The following SENP2 variants were observed in gnomAD, a reference collection of about 807,000 sequenced individuals.
SENP2 encodes the protein SUMO specific peptidase 2.
In SENP2, 16 loss-of-function variants were observed where a neutral mutation model predicts 86.3. The ratio of observed to expected loss-of-function variants is 0.19; its 90% CI spans 0.13 to 0.28. SENP2 has a LOEUF of 0.28. SENP2 is among the 10% of genes least tolerant of loss of function. The pLI is 1.00. For synonymous variants in SENP2, 222 were observed against 238.7 expected, an observed-to-expected ratio of 0.93 and a Z score of 0.64; for missense variants, 552 against 703.0, an observed-to-expected ratio of 0.79 and a Z score of 2.43.
chr3:185,626,434 C>A, intron 16 of SENP2, 41 bp downstream of exon 16: 2 of 1,376,496 alleles, frequency 1.5e-6, no homozygotes, highest in East Asian at 2.3e-5. Context: ...TGTTACTAAG[C>A]AAGATAAGGC....
chr3:185,627,238 T>C lies in SENP2; in HGVS notation c.1707+845T>C, dbSNP rs532113291. Among the ~76,000 whole-genome samples the C allele has an allele frequency of 3.0e-4, 46 of 152,250 alleles. No individual in the cohort carries two copies. In the South Asian group the frequency reaches 9.3e-3, roughly 31 times the overall value. ...TGACACAATGGGCACAATTTGCAAATCTCTGAACTGTGGCATTCATTGGTT... is the reference window on the plus strand; with the variant it reads ...TGACACAATGGGCACAATTTGCAAACCTCTGAACTGTGGCATTCATTGGTT... On this transcript the variant is annotated intron_variant, in intron 16 of 16. Coordinates refer to ENST00000296257, the MANE Select transcript of SENP2 (RefSeq NM_021627.3).
At position 185,626,277 on chromosome 3, in the gene SENP2, CTTT is replaced by C. The variant is rs922779249; in HGVS notation, c.1612-17_1612-15del. 6 of 1,532,824 alleles carry C rather than the reference CTTT, an allele frequency of 3.9e-6. No individual in the cohort carries two copies. The African/African-American group carries it at 4.1e-5, about 10-fold the overall frequency. The allele number at this position is 1,532,824 out of a possible 1,614,324, so 95.0% of individuals were successfully genotyped here. A position where few individuals can be genotyped will look rare whatever the true frequency, so the allele number is the denominator to read the frequency against. Reference sequence around the variant, plus strand: ...ATGATGTTTTACCCTTTCCTCTCTTCTTTTTTCTTTGTAATTTTAGGAGATTCC... The same window carrying C: ...ATGATGTTTTACCCTTTCCTCTCTTCTTTCTTTGTAATTTTAGGAGATTCC... On this transcript the variant is annotated intron_variant, in intron 15 of 16. Transcript: ENST00000296257.
At chr3:185,600,277 C>A (rs1722302681) in intron 4 of SENP2, among the ~76,000 whole-genome samples, 1 of 152,038 alleles carries the variant, frequency 6.6e-6, no homozygotes, top group African/African-American at 2.4e-5. Context: ...TTTGTGTAGT[C>A]TAGTCAGAGA....
chr3:185,611,879 G>A lies in SENP2; in HGVS notation c.817+134G>A, dbSNP rs1044156961. 6.4e-5 allele frequency: 43 copies of A among 672,712 alleles called. 1 individual carries two copies. Among genetic ancestry groups the A allele is most frequent in the African/African-American group, 4.5e-4 (25 of 55,390 alleles). The allele number at this position is 672,712 out of a possible 1,614,324, so 41.7% of individuals were successfully genotyped here. A position where few individuals can be genotyped will look rare whatever the true frequency, so the allele number is the denominator to read the frequency against. On this transcript the variant is annotated intron_variant, in intron 8 of 16. Transcript: ENST00000296257. ...CTGTCAAATCTCACAGCATTGGGCC[G>A]GGCGCGGTGGCTTACGCCTGCAATC...
At chr3:185,587,312 T>C (rs1187761565) in intron 1 of SENP2, among the ~76,000 whole-genome samples, 1 of 151,910 alleles carries the variant, frequency 6.6e-6, no homozygotes, top group Non-Finnish European at 1.5e-5. Context: ...TTTGTGTTTT[T>C]AGTAGAGATG....
At chr3:185,605,486 A>AT (rs935824009) in intron 5 of SENP2, among the ~76,000 whole-genome samples, 71 of 152,250 alleles carry the variant, frequency 4.7e-4, no homozygotes, top group African/African-American at 1.6e-3. Context: ...TTTTTCTCTT[A>AT]TAGCTTTTTC....
chr3:185,608,898 C>T (rs76614936), intron 6 of SENP2: 4,291 of 166,304 alleles, frequency 0.026, 217 homozygotes, highest in African/African-American at 0.097. Flanking sequence ...TGTATATTCT[C>T]GTTATGCAAG....
At position 185,632,247 on chromosome 3, in the gene SENP2, T is replaced by TG. The variant is rs1477375185; in HGVS notation, c.*2403_*2404insG. 6 of 140,872 alleles carry TG rather than the reference T, an allele frequency of 4.3e-5. No homozygotes were observed. Among genetic ancestry groups the TG allele is most frequent in the Non-Finnish European group, 9.3e-5 (6 of 64,498 alleles). 8.7% of individuals were successfully genotyped at this position (140,872 alleles called of 1,614,324 possible). A position where few individuals can be genotyped will look rare whatever the true frequency, so the allele number is the denominator to read the frequency against. ...TTGTTTTTTTTTTTTGTTTTTTTTT[T>TG]TTTTTTTTGCGACAGAGTCTCTTGT... On this transcript the variant is annotated 3_prime_UTR_variant, in exon 17 of 17. Transcript: ENST00000296257.
chr3:185,589,615 G>A (rs1721911202), intron 1 of SENP2, among the ~76,000 whole-genome samples: 1 of 152,136 alleles, frequency 6.6e-6, no homozygotes, highest in Admixed American at 6.6e-5. Flanking sequence ...GTAAGTCTTC[G>A]CATGTGAAAA....
At chr3:185,629,684 A>G in intron 16 of SENP2, 98 bp from the exon 17 acceptor site, 1 of 1,167,562 alleles carries the variant, frequency 8.6e-7, no homozygotes, top group Non-Finnish European at 1.3e-6. Flanking sequence ...TAGAAAAAGC[A>G]CATGGACATC....
intron 11 of SENP2, among the ~76,000 whole-genome samples, chr3:185,616,141 G>A (rs561858770): frequency 1.9e-4 from 28 of 148,240 alleles, no homozygotes; most frequent in Non-Finnish European, 3.6e-4. Context: ...GATTACAGGC[G>A]TGAGCCACCA....
chr3:185,625,357 C>A (rs189717002), intron 15 of SENP2, among the ~76,000 whole-genome samples: 68 of 152,242 alleles, frequency 4.5e-4, no homozygotes, highest in African/African-American at 1.6e-3. Flanking sequence ...GTGATCCGCC[C>A]GCCTCTGCCT....
rs79523219 is a variant in SENP2, at chr3:185,602,785, A to T, written c.449+1930A>T. 2.0e-3 allele frequency among the ~76,000 whole-genome samples: 270 copies of T among 137,344 alleles called. 3 individuals carry two copies. The East Asian group carries it at 0.025, about 13-fold the overall frequency. 90.1% of individuals were successfully genotyped at this position (137,344 alleles called of 152,430 possible). A position where few individuals can be genotyped will look rare whatever the true frequency, so the allele number is the denominator to read the frequency against. On this transcript the variant is annotated intron_variant, in intron 5 of 16. Coordinates refer to ENST00000296257, the MANE Select transcript of SENP2 (RefSeq NM_021627.3). The stretch of plus-strand genomic sequence containing the variant: ...GAAGCAGAGGGTGCAGTGAGCTAAG[A>T]TTACACCACTGCACTCCAGCCTGGG...
intron 5 of SENP2, 52 bp downstream of exon 5, chr3:185,600,907 C>A: frequency 1.6e-6 from 2 of 1,250,504 alleles, no homozygotes; most frequent in Non-Finnish European, 2.3e-6. Flanking sequence ...ATTAGGTGCT[C>A]ACTCTTGCTA....
chr3:185,625,690 GT>G (rs1391988189), intron 15 of SENP2, among the ~76,000 whole-genome samples: 1 of 152,150 alleles, frequency 6.6e-6, no homozygotes, highest in African/African-American at 2.4e-5. Flanking sequence ...ATCCTAATTG[GT>G]TAAAGCCTAT....
chr3:185,626,371 A>T lies in SENP2; in HGVS notation c.1685A>T (p.Asp562Val), dbSNP rs1245752069. 1.9e-6 allele frequency: 3 copies of T among 1,609,722 alleles called. No individual in the cohort carries two copies. Among genetic ancestry groups the T allele is most frequent in the Non-Finnish European group, 2.6e-6 (3 of 1,176,270 alleles). Residue 562 changes from aspartate (D) to valine (V), a missense_variant, in exon 16 of 17, where the codon GAC becomes GTC. Asp to Val is a radical substitution (Grantham distance 152, BLOSUM62 -3). Coordinates refer to ENST00000296257, the MANE Select transcript of SENP2 (RefSeq NM_021627.3). The stretch of plus-strand genomic sequence containing the variant: ...AAATATGCAGATTATATTTCTAGGG[A>T]CAAACCTATCACATTTACTCAGGTG... ...TCKYADYISR[D>V]KPITFTQHQM...
chr3:185,590,102 T>A lies in SENP2; in HGVS notation c.102-12T>A. The A allele has an allele frequency of 6.8e-7, 1 of 1,473,476 alleles. No individual in the cohort carries two copies. Among genetic ancestry groups the A allele is most frequent in the Non-Finnish European group, 9.1e-7 (1 of 1,094,596 alleles). 91.3% of individuals were successfully genotyped at this position (1,473,476 alleles called of 1,614,324 possible). A position where few individuals can be genotyped will look rare whatever the true frequency, so the allele number is the denominator to read the frequency against. ...ATCTATATATATATATTTTTTTCTT[T>A]CTCTTTTTCAGCACTCTGTTTTCTA... On this transcript the variant is annotated splice_polypyrimidine_tract_variant and intron_variant, in intron 1 of 16. Transcript: ENST00000296257.
rs183690458 is a variant in SENP2, at chr3:185,619,215, C to T, written c.1243-84C>T. The T allele has an allele frequency of 5.1e-5, 52 of 1,013,586 alleles. 2 individuals carry two copies. The African/African-American group carries it at 7.2e-4, about 14-fold the overall frequency. 62.8% of individuals were successfully genotyped at this position (1,013,586 alleles called of 1,614,324 possible). ...ATCCTCTTCTTTAGTACCTTACCTT[C>T]GAATTCATCCTTATTCAGGTAGAAA... is the stretch of plus-strand genomic sequence containing the variant. On this transcript the variant is annotated intron_variant, in intron 12 of 16. Transcript: ENST00000296257.
In SENP2 at chr3:185,633,132, G is replaced by A. The variant is rs1288367924; in HGVS notation, c.*3288G>A. The A allele has an allele frequency of 3.3e-5, 5 of 152,212 alleles. No individual in the cohort carries two copies. Among genetic ancestry groups the A allele is most frequent in the Non-Finnish European group, 5.9e-5 (4 of 68,070 alleles). 9.4% of individuals were successfully genotyped at this position (152,212 alleles called of 1,614,324 possible). ...ACTTCAGAAAACCATGTCTGATAGC[G>A]GATGTCTTCCTGCTGTGAGGAGCTG... On this transcript the variant is annotated 3_prime_UTR_variant, in exon 17 of 17. Coordinates refer to ENST00000296257, the MANE Select transcript of SENP2 (RefSeq NM_021627.3).
Sources: allele counts gnomAD v4.1 joint callset (sites outside exome capture counted in the v4.1 genomes callset), GRCh38; gene constraint gnomAD v4.1.1; transcripts MANE v1.5; gene names NCBI Gene and HGNC (gene_info 2026-07-23, HGNC 2026-07-21).